The following FES variants were observed in gnomAD, a reference collection of about 807,000 sequenced individuals.
The protein encoded by FES is tyrosine-protein kinase Fes/Fps.
Under a neutral mutation model 109.6 loss-of-function variants are expected in FES, and 83 were observed. The observed-to-expected ratio is 0.76, with a 90% CI of 0.63 to 0.91. The LOEUF (loss-of-function observed/expected upper bound fraction) is 0.91, where lower values mean the gene tolerates loss of function less well. FES is among the 40% of genes least tolerant of loss of function. The pLI is 0.00. For synonymous variants in FES, 458 were observed against 442.1 expected (o/e 1.04, Z -0.45); for missense variants, 943 against 1,070.9 (o/e 0.88, Z 1.67).
At chr15:90,885,293 G>T in intron 2 of FES, 35 bp downstream of exon 2, 1 of 1,522,908 alleles carries the variant, frequency 6.6e-7, no homozygotes. Flanking sequence ...GGTGCTGGCT[G>T]TATCTGCCTT....
intron 5 of FES, 147 bp downstream of exon 5, chr15:90,887,517 G>C: frequency 3.7e-6 from 3 of 805,984 alleles, no homozygotes; most frequent in Non-Finnish European, 5.7e-6. Flanking sequence ...CCAAGGATTG[G>C]AAACAGGCAA....
intron 5 of FES, among the ~76,000 whole-genome samples, chr15:90,888,055 G>T (rs2032829362): frequency 6.6e-6 from 1 of 152,170 alleles, no homozygotes; most frequent in African/African-American, 2.4e-5. Flanking sequence ...GAGGACTTTG[G>T]CTCTGGGTGA....
At chr15:90,891,786 A>G in intron 12 of FES, 110 bp downstream of exon 12, 1 of 1,484,554 alleles carries the variant, frequency 6.7e-7, no homozygotes, top group Non-Finnish European at 9.1e-7. Context: ...CTCCGTCTAC[A>G]TACAAGATGC....
intron 2 of FES, 41 bp downstream of exon 2, chr15:90,885,299 G>C: frequency 6.2e-7 from 1 of 1,603,088 alleles, no homozygotes; most frequent in Non-Finnish European, 8.5e-7. Context: ...GGCTGTATCT[G>C]CCTTCTCCTT....
Position 90,887,320 on chromosome 15 carries a change from C to T in FES, c.618C>T (p.Pro206=), listed in dbSNP as rs779401815. 18 of 1,612,946 alleles carry T rather than the reference C, an allele frequency of 1.1e-5. No individual in the cohort carries two copies. Among genetic ancestry groups the T allele is most frequent in the South Asian group, 2.2e-5 (2 of 91,076 alleles). ...HHQHHHQLLL[P]GLLRSLQDLH... is the part of the protein sequence containing the mutation. ...AGCACCACCACCAGCTCCTGCTGCC[C>T]GGCCTGCTGCGGTCACTGCAGGACC... is the stretch of plus-strand genomic sequence containing the variant. Residue 206 remains proline (P), a synonymous_variant, in exon 5 of 19, where the codon CCC becomes CCT. Coordinates refer to ENST00000328850, the MANE Select transcript of FES (RefSeq NM_002005.4).
chr15:90,893,639 C>T lies in FES; in HGVS notation c.2046-15C>T, dbSNP rs376060341. On this transcript the variant is annotated splice_polypyrimidine_tract_variant and intron_variant, in intron 16 of 18. Coordinates refer to ENST00000328850, the MANE Select transcript of FES (RefSeq NM_002005.4). The stretch of plus-strand genomic sequence containing the variant: ...CGACTGTTGGCCAAATGAGCCCCTG[C>T]CCTGTCTCACCCAGGGACCTGGCTG... The T allele has an allele frequency of 1.2e-5, 19 of 1,564,636 alleles. No homozygotes were observed. The highest frequency in any genetic ancestry group is 1.6e-5 in the Non-Finnish European group (19 of 1,154,184).
rs768870048 is a variant in FES, at chr15:90,890,487, G to A, written c.1320+3G>A. On this transcript the variant is annotated splice_donor_region_variant and intron_variant, in intron 10 of 18. Transcript: ENST00000328850. ...GAATCTTCCGCCCCAAGTTCTCGGT[G>A]AGTGGCGCCCAGCCTGGGCCCCCCT... 6.2e-7 allele frequency: 1 copy of A among 1,611,912 alleles called. No individual in the cohort carries two copies. Among genetic ancestry groups the A allele is most frequent in the Non-Finnish European group, 8.5e-7 (1 of 1,179,348 alleles).
At position 90,885,397 on chromosome 15, in the gene FES, A is replaced by G; in HGVS notation, c.214-15A>G. On this transcript the variant is annotated splice_polypyrimidine_tract_variant and intron_variant, in intron 2 of 18. Transcript: ENST00000328850. ...TTGTGCCCCCCTCCCTGCCTCCCCCATCTGTGCTGTATAGTCCTGGGCTGA... is the reference window on the plus strand; with the variant it reads ...TTGTGCCCCCCTCCCTGCCTCCCCCGTCTGTGCTGTATAGTCCTGGGCTGA... 1 of 1,603,534 alleles carries G rather than the reference A, an allele frequency of 6.2e-7. No homozygotes were observed. Among genetic ancestry groups the G allele is most frequent in the Non-Finnish European group, 8.5e-7 (1 of 1,174,844 alleles).
rs543865140 is a variant in FES, at chr15:90,891,591, T to C, written c.1568T>C (p.Ile523Thr). The C allele has an allele frequency of 1.9e-6, 3 of 1,614,038 alleles. No homozygotes were observed. The highest frequency in any genetic ancestry group is 1.7e-5 in the Admixed American group (1 of 60,026). Residue 523 changes from isoleucine (I) to threonine (T), a missense_variant, in exon 12 of 19, where the codon ATT (isoleucine) becomes ACT (threonine). Coordinates refer to ENST00000328850, the MANE Select transcript of FES (RefSeq NM_002005.4). ...YRLEGEGFPS[I>T]PLLIDHLLST... ...CTGGAAGGGGAAGGCTTTCCTAGCA[T>C]TCCTTTGCTCATCGACCACCTACTG...
Position 90,889,899 on chromosome 15 carries a change from A to G in FES, c.986A>G (p.Glu329Gly). 6.2e-7 allele frequency: 1 copy of G among 1,613,208 alleles called. No individual in the cohort carries two copies. Among genetic ancestry groups the G allele is most frequent in the Non-Finnish European group, 8.5e-7 (1 of 1,179,868 alleles). ...ACCGAGATGGTGTTCAGGCGGCAGG[A>G]GATGGTTACGCAGCTGCAACAGGAG... ...VATEMVFRRQEMVTQLQQELR... is the reference protein window; with the variant it reads ...VATEMVFRRQGMVTQLQQELR... Residue 329 changes from glutamate to glycine, a missense_variant, in exon 8 of 19, where the codon GAG (glutamate) becomes GGG (glycine). By Grantham distance (98) the Glu-to-Gly change is moderately conservative. Coordinates refer to ENST00000328850, the MANE Select transcript of FES (RefSeq NM_002005.4). The surrounding 1 kb of genome is among the most constrained non-coding windows in gnomAD (Gnocchi z 6.1).
At position 90,885,920 on chromosome 15, in the gene FES, G is replaced by A. The variant is rs191399170; in HGVS notation, c.387+335G>A. 6.6e-5 allele frequency among the ~76,000 whole-genome samples: 10 copies of A among 152,178 alleles called. No homozygotes were observed. The East Asian group carries it at 1.9e-3, about 29-fold the overall frequency. On this transcript the variant is annotated intron_variant, in intron 3 of 18. Transcript: ENST00000328850. ...TTCTGAGAGTCAGGGAGAGGAATGA[G>A]GGTCAGTCTGTTTGCCTTCGACCTA... is the stretch of plus-strand genomic sequence containing the variant.
At chr15:90,891,420 G>A in intron 11 of FES, 134 bp from the exon 12 acceptor site, 1 of 1,256,804 alleles carries the variant, frequency 8.0e-7, no homozygotes, top group Non-Finnish European at 1.1e-6. Context: ...CCATCAGATG[G>A]CATCTTTTCT....
Position 90,885,408 on chromosome 15 carries a change from A to G in FES, c.214-4A>G, listed in dbSNP as rs1165067666. 6 of 1,611,432 alleles carry G rather than the reference A, an allele frequency of 3.7e-6. No homozygotes were observed. Among genetic ancestry groups the G allele is most frequent in the Non-Finnish European group, 5.1e-6 (6 of 1,179,376 alleles). On this transcript the variant is annotated splice_region_variant and splice_polypyrimidine_tract_variant and intron_variant, in intron 2 of 18. Coordinates refer to ENST00000328850, the MANE Select transcript of FES (RefSeq NM_002005.4). ...TCCCTGCCTCCCCCATCTGTGCTGTATAGTCCTGGGCTGAGATCACCAGCC... is the reference window on the plus strand; with the variant it reads ...TCCCTGCCTCCCCCATCTGTGCTGTGTAGTCCTGGGCTGAGATCACCAGCC...
chr15:90,888,225 C>T (rs1056038834), intron 5 of FES, among the ~76,000 whole-genome samples: 4 of 152,222 alleles, frequency 2.6e-5, no homozygotes, highest in African/African-American at 9.7e-5. Flanking sequence ...CCTGCCTCAG[C>T]CTCCCGAGTA....
intron 12 of FES, among the ~76,000 whole-genome samples, 185 bp from the exon 13 acceptor site, chr15:90,891,873 C>T (rs879865641): frequency 3.9e-5 from 6 of 152,260 alleles, no homozygotes; most frequent in African/African-American, 7.2e-5. Context: ...GGGCTGTACA[C>T]ACCAGGTTGG....
In FES at chr15:90,885,549, C is replaced by T. The variant is rs767010582; in HGVS notation, c.351C>T (p.Ser117=). The T allele has an allele frequency of 2.0e-5, 32 of 1,613,016 alleles. No homozygotes were observed. Among genetic ancestry groups the T allele is most frequent in the Admixed American group, 5.0e-5 (3 of 59,990 alleles). ...RERQQLRKTY[S]EQWQQLQQEL... ...GGCAGCAGCTTCGCAAGACCTACAGCGAGCAGTGGCAGCAGCTGCAGCAGG... is the reference window on the plus strand; with the variant it reads ...GGCAGCAGCTTCGCAAGACCTACAGTGAGCAGTGGCAGCAGCTGCAGCAGG... The change falls in exon 3 of 19, where the codon AGC becomes AGT. Residue 117 remains serine (S), a synonymous_variant. Transcript: ENST00000328850.
In FES at chr15:90,889,548, T is replaced by C; in HGVS notation, c.838T>C (p.Phe280Leu). ...ACCTGACGTCCCACCCTGTGTCACGTTCGATGAGTCACTGCTTGAGGAGGG... is the reference window on the plus strand; with the variant it reads ...ACCTGACGTCCCACCCTGTGTCACGCTCGATGAGTCACTGCTTGAGGAGGG... ...SAPDVPPCVT[F>L]DESLLEEGEP... The change falls in exon 7 of 19, where the codon TTC becomes CTC. Residue 280 changes from phenylalanine to leucine, a missense_variant. Coordinates refer to ENST00000328850, the MANE Select transcript of FES (RefSeq NM_002005.4). This position sits in a 1 kb window ranked among gnomAD's most constrained non-coding sequence, Gnocchi z 6.1. The C allele has an allele frequency of 2.5e-6, 4 of 1,613,746 alleles. No homozygotes were observed. Among genetic ancestry groups the C allele is most frequent in the Non-Finnish European group, 3.4e-6 (4 of 1,179,992 alleles).
At chr15:90,884,987 G>A (rs1163422556) in intron 1 of FES, 50 bp from the exon 2 acceptor site, 5 of 1,473,954 alleles carry the variant, frequency 3.4e-6, no homozygotes, top group Non-Finnish European at 1.8e-6. Context: ...CCATGCCTCC[G>A]TCTCCAGCTG....
Position 90,892,074 on chromosome 15 carries a change from A to G in FES, c.1670A>G (p.Asn557Ser), listed in dbSNP as rs761013448. ...RAVPKDKWVL[N>S]HEDLVLGEQI... ...CTTCCCCAGGACAAGTGGGTGCTGA[A>G]CCATGAGGACCTGGTGTTGGGTGAG... is the stretch of plus-strand genomic sequence containing the variant. Residue 557 changes from asparagine (N) to serine (S), a missense_variant, in exon 13 of 19, where the codon AAC becomes AGC. Transcript: ENST00000328850. 5.6e-6 allele frequency: 9 copies of G among 1,613,994 alleles called. No individual in the cohort carries two copies. Among genetic ancestry groups the G allele is most frequent in the Non-Finnish European group, 6.8e-6 (8 of 1,179,988 alleles).
Sources: allele counts gnomAD v4.1 joint callset (sites outside exome capture counted in the v4.1 genomes callset), GRCh38; gene constraint gnomAD v4.1.1; non-coding constraint Gnocchi (gnomAD v3.1); transcripts MANE v1.5; gene names NCBI Gene and HGNC (gene_info 2026-07-23, HGNC 2026-07-21).